The following SNX8 variants were observed in gnomAD, a reference collection of about 807,000 sequenced individuals.
The protein encoded by SNX8 is sorting nexin-8.
A neutral mutation model predicts 51.6 loss-of-function variants in SNX8; 25 were observed. The observed-to-expected ratio is 0.48, with a 90% CI of 0.35 to 0.68. The LOEUF (loss-of-function observed/expected upper bound fraction) is 0.68. SNX8 is among the 30% of genes least tolerant of loss of function. The pLI, the probability that SNX8 is intolerant of heterozygous loss-of-function variation, is 0.00. For missense variants in SNX8, 695 were observed against 624.0 expected (o/e 1.11, Z -1.21); for synonymous variants, 324 against 277.0 (o/e 1.17, Z -1.68).
rs557812930 is a variant in SNX8 at position 2,335,540 on chromosome 7, C to T, written c.-66+18682G>A. 3.6e-3 allele frequency among the ~76,000 whole-genome samples: 548 copies of T among 152,298 alleles called. 5 individuals carry two copies. Among genetic ancestry groups the T allele is most frequent in the African/African-American group, 0.012 (514 of 41,580 alleles). Reference sequence around the variant, plus strand: ...GAAAGTAGCCAGGCGCGGTGGCTCACGCCTGTAATCCCAGCACTTCGGGAG... The same window carrying T: ...GAAAGTAGCCAGGCGCGGTGGCTCATGCCTGTAATCCCAGCACTTCGGGAG... On this transcript the variant is annotated intron_variant, in intron 1 of 5. Coordinates refer to the SNX8 transcript ENST00000435336.
At chr7:2,323,138 C>T (rs1178789044) in intron 1 of SNX8, among the ~76,000 whole-genome samples, 9 of 151,852 alleles carry the variant, frequency 5.9e-5, no homozygotes, top group Admixed American at 1.3e-4. Context: ...TAGACCAGCC[C>T]GGCCAATACG....
Position 2,314,400 on chromosome 7 carries a change from G to C in SNX8, c.22C>G (p.Pro8Ala). Reference protein sequence around the residue: MTGRAMDPLPAAAVGAAA... With the variant: MTGRAMDALPAAAVGAAA... Reference sequence around the variant, plus strand: ...GCCCCGACTGCAGCCGCGGGCAGCGGGTCCATCGCGCGGCCAGTCATGTGA... The same window carrying C: ...GCCCCGACTGCAGCCGCGGGCAGCGCGTCCATCGCGCGGCCAGTCATGTGA... Residue 8 changes from proline (P) to alanine (A), a missense_variant, in exon 1 of 11, where the codon CCG becomes GCG. Coordinates refer to ENST00000222990, the MANE Select transcript of SNX8 (RefSeq NM_013321.4). 1 of 1,219,316 alleles carries C rather than the reference G, an allele frequency of 8.2e-7. No individual in the cohort carries two copies. 75.5% of individuals were successfully genotyped at this position (1,219,316 alleles called of 1,614,324 possible). A position where few individuals can be genotyped will look rare whatever the true frequency, so the allele number is the denominator to read the frequency against.
chr7:2,341,896 C>T (rs1272445488), intron 1 of SNX8, among the ~76,000 whole-genome samples: 2 of 151,932 alleles, frequency 1.3e-5, no homozygotes, highest in African/African-American at 2.4e-5. Flanking sequence ...TCACTTGAAC[C>T]CAGGAGTTGG....
intron 7 of SNX8, among the ~76,000 whole-genome samples, chr7:2,262,193 AC>A (rs973822684): frequency 2.4e-4 from 36 of 151,786 alleles, no homozygotes; most frequent in African/African-American, 8.2e-4. Flanking sequence ...ACGCACCACC[AC>A]CCCTGGCTAA....
chr7:2,302,707 G>A (rs1584721179), intron 1 of SNX8, among the ~76,000 whole-genome samples: 1 of 151,616 alleles, frequency 6.6e-6, no homozygotes, highest in African/African-American at 2.4e-5. Context: ...GAGTGTCTTT[G>A]CCCGGCCGCC....
chr7:2,315,987 A>G (rs1490012922), upstream of SNX8, among the ~76,000 whole-genome samples: 1 of 112,630 alleles, frequency 8.9e-6, no homozygotes, highest in Non-Finnish European at 1.8e-5. Flanking sequence ...ACATTCATTC[A>G]CCCACACTCA....
At chr7:2,317,400 C>A (rs1796774358), upstream of SNX8, among the ~76,000 whole-genome samples, 2 of 150,990 alleles carry the variant, frequency 1.3e-5, no homozygotes, top group East Asian at 3.9e-4. Flanking sequence ...GTCTCAGCCT[C>A]CCGTGTAGCT....
chr7:2,268,129 C>CA (rs1471057907), intron 5 of SNX8, among the ~76,000 whole-genome samples: 8 of 142,080 alleles, frequency 5.6e-5, no homozygotes, highest in Non-Finnish European at 9.1e-5. Context: ...GGGTCAGCCC[C>CA]CCGCCTGGCC....
chr7:2,312,029 G>A (rs1404711344), intron 1 of SNX8, among the ~76,000 whole-genome samples: 1 of 152,102 alleles, frequency 6.6e-6, no homozygotes, highest in African/African-American at 2.4e-5. Context: ...CGTCCCAAGA[G>A]TCTGTGAGCC....
chr7:2,334,832 C>A (rs1778795506), intron 1 of SNX8, among the ~76,000 whole-genome samples: 1 of 134,268 alleles, frequency 7.4e-6, no homozygotes, highest in Admixed American at 8.4e-5. Flanking sequence ...TGCACCACTG[C>A]ACTCCAGCCT....
chr7:2,257,995 C>T (rs1445108240), intron 7 of SNX8, among the ~76,000 whole-genome samples, 192 bp from the exon 8 acceptor site: 1 of 150,782 alleles, frequency 6.6e-6, no homozygotes, highest in Non-Finnish European at 1.5e-5. Flanking sequence ...GACACGCCTT[C>T]GAGCCCAGCA....
chr7:2,341,553 T>C (rs887435122), intron 1 of SNX8, among the ~76,000 whole-genome samples: 1 of 151,844 alleles, frequency 6.6e-6, no homozygotes, highest in African/African-American at 2.4e-5. Context: ...ACACCCACAG[T>C]CCTAGCACTT....
intron 1 of SNX8, among the ~76,000 whole-genome samples, chr7:2,337,790 G>A (rs1778856254): frequency 7.3e-6 from 1 of 136,780 alleles, no homozygotes. Flanking sequence ...GTATGCAAAA[G>A]ACCTCTTTTA....
chr7:2,311,527 G>A (rs1199915864), intron 1 of SNX8, among the ~76,000 whole-genome samples: 7 of 152,154 alleles, frequency 4.6e-5, no homozygotes, highest in Non-Finnish European at 1.0e-4. Context: ...TTGGTCTCAA[G>A]GCTGAGGTTT....
chr7:2,347,658 T>C (rs73275099), intron 1 of SNX8, among the ~76,000 whole-genome samples: 95,425 of 141,034 alleles, frequency 0.68, 32,942 homozygotes, highest in East Asian at 0.83. Flanking sequence ...TTTGCTTTGT[T>C]TTGTTGAGAT....
At chr7:2,348,371 C>T (rs1247964674) in intron 1 of SNX8, among the ~76,000 whole-genome samples, 8 of 140,826 alleles carry the variant, frequency 5.7e-5, no homozygotes, top group Admixed American at 2.2e-4. Flanking sequence ...GACAGAGTCT[C>T]GCTCTGTCGC....
chr7:2,342,950 C>A (rs1389130271), intron 1 of SNX8, among the ~76,000 whole-genome samples: 1 of 151,848 alleles, frequency 6.6e-6, no homozygotes, highest in African/African-American at 2.4e-5. Context: ...AGGCGCCCAC[C>A]ACCGGCTAAT....
chr7:2,267,831 G>C, intron 5 of SNX8, among the ~76,000 whole-genome samples: 1 of 122,624 alleles, frequency 8.2e-6, no homozygotes, highest in Admixed American at 8.0e-5. Flanking sequence ...AGTGAGGAGC[G>C]TCTCCGCCCG....
Position 2,296,559 on chromosome 7 carries a change from A to G in SNX8, c.94+17769T>C, listed in dbSNP as rs141972319. ...TTTGACTTCCTCTCTTCCAATCCAGATGCACTTTATTTCTCTTGCCTGATT... is the reference window on the plus strand; with the variant it reads ...TTTGACTTCCTCTCTTCCAATCCAGGTGCACTTTATTTCTCTTGCCTGATT... On this transcript the variant is annotated intron_variant, in intron 1 of 10. Transcript: ENST00000222990. 1.0e-3 allele frequency among the ~76,000 whole-genome samples: 152 copies of G among 152,054 alleles called. 4 individuals are homozygous for G. The highest frequency in any genetic ancestry group is 3.2e-3 in the African/African-American group (131 of 41,358).
Sources: allele counts gnomAD v4.1 joint callset (sites outside exome capture counted in the v4.1 genomes callset), GRCh38; gene constraint gnomAD v4.1.1; transcripts MANE v1.5; gene names NCBI Gene and HGNC (gene_info 2026-07-23, HGNC 2026-07-21).